Variants in SBF2 observed in about 807,000 individuals in gnomAD.
SBF2 encodes the protein myotubularin-related protein 13.
Under a neutral mutation model 225.2 loss-of-function variants are expected in SBF2, and 112 were observed. The ratio of observed to expected loss-of-function variants is 0.50; its 90% CI spans 0.43 to 0.58. The LOEUF (loss-of-function observed/expected upper bound fraction) is 0.58. SBF2 is among the 20% of genes least tolerant of loss of function. SBF2 has a pLI of 0.00. For synonymous variants in SBF2, 763 were observed against 773.3 expected, an observed-to-expected ratio of 0.99 and a Z score of 0.22; for missense variants, 1,996 against 2,206.2, an observed-to-expected ratio of 0.90 and a Z score of 1.91.
At chr11:10,134,327 T>C (rs189073599) in intron 2 of SBF2, among the ~76,000 whole-genome samples, 1 of 152,208 alleles carries the variant, frequency 6.6e-6, no homozygotes, top group Admixed American at 6.5e-5. Context: ...CAAGATAAAA[T>C]TAGGGTGGGG....
chr11:9,904,854 C>T (rs1408274569), intron 16 of SBF2, among the ~76,000 whole-genome samples: 1 of 152,140 alleles, frequency 6.6e-6, no homozygotes, highest in Non-Finnish European at 1.5e-5. Context: ...AAGAGCTCAT[C>T]TCTACAAATT....
At chr11:9,974,080 T>G (rs910503275) in intron 13 of SBF2, among the ~76,000 whole-genome samples, 1 of 152,216 alleles carries the variant, frequency 6.6e-6, no homozygotes, top group Non-Finnish European at 1.5e-5. Flanking sequence ...TAGAGTTGCC[T>G]GGTAGTGTAC....
intron 33 of SBF2, chr11:9,791,200 T>C (rs931966408): frequency 1.3e-5 from 2 of 152,456 alleles, no homozygotes; most frequent in African/African-American, 4.8e-5. Flanking sequence ...GTGTAGTCTG[T>C]GTCCTTGGGT....
chr11:10,074,881 A>G (rs962075800), intron 2 of SBF2, among the ~76,000 whole-genome samples: 5 of 152,222 alleles, frequency 3.3e-5, no homozygotes, highest in African/African-American at 1.2e-4. Flanking sequence ...GTTAATAAGA[A>G]TAGATTCATT....
intron 31 of SBF2, 99 bp downstream of exon 31, chr11:9,808,802 A>G: frequency 1.1e-6 from 1 of 897,614 alleles, no homozygotes. Flanking sequence ...CTGTCCATAA[A>G]CACATTAGTC....
intron 1 of SBF2, among the ~76,000 whole-genome samples, chr11:10,277,626 G>C (rs1269960084): frequency 2.6e-5 from 4 of 152,174 alleles, no homozygotes; most frequent in African/African-American, 9.7e-5. Flanking sequence ...TGCAGATATA[G>C]TTAAGGATCT....
intron 2 of SBF2, among the ~76,000 whole-genome samples, chr11:10,102,578 C>A (rs73412828): frequency 6.6e-6 from 1 of 152,078 alleles, no homozygotes; most frequent in African/African-American, 2.4e-5. Context: ...ATTGTCTCAA[C>A]CTAAAAGAGT....
chr11:10,204,869 C>T (rs747415850), intron 1 of SBF2, among the ~76,000 whole-genome samples: 12 of 151,826 alleles, frequency 7.9e-5, no homozygotes, highest in East Asian at 1.9e-4. Context: ...TGATTGCTAA[C>T]GGATATAGGG....
upstream of SBF2, among the ~76,000 whole-genome samples, chr11:10,294,484 C>T (rs1229350328): frequency 6.6e-6 from 1 of 152,224 alleles, no homozygotes; most frequent in African/African-American, 2.4e-5. Context: ...CTTCCGCCTT[C>T]TCTATTCTGT....
chr11:9,851,294 T>G (rs1856933146), intron 21 of SBF2, among the ~76,000 whole-genome samples: 1 of 152,262 alleles, frequency 6.6e-6, no homozygotes, highest in African/African-American at 2.4e-5. Flanking sequence ...GTATCACAGT[T>G]AAGGGTGGAG....
chr11:10,271,222 A>G (rs1962471056), intron 1 of SBF2, among the ~76,000 whole-genome samples: 2 of 42,622 alleles, frequency 4.7e-5, no homozygotes, highest in Admixed American at 4.9e-4. Context: ...TTTGAAGTTA[A>G]GAATTCTTTT....
chr11:9,795,449 C>A (rs1379024310), intron 33 of SBF2, among the ~76,000 whole-genome samples: 1 of 152,152 alleles, frequency 6.6e-6, no homozygotes, highest in Admixed American at 6.5e-5. Context: ...TGGGATTTTA[C>A]CCTGGTCTGT....
intron 16 of SBF2, among the ~76,000 whole-genome samples, chr11:9,909,778 G>T (rs1248222789): frequency 6.6e-6 from 1 of 151,828 alleles, no homozygotes; most frequent in Admixed American, 6.6e-5. Flanking sequence ...ATTTTCAGAA[G>T]TTAACCTACT....
chr11:10,165,430 T>C (rs909966753), intron 2 of SBF2, among the ~76,000 whole-genome samples: 7 of 152,302 alleles, frequency 4.6e-5, no homozygotes, highest in African/African-American at 1.2e-4. Context: ...GCCAGAATAA[T>C]AGCAAGAGCT....
upstream of SBF2, among the ~76,000 whole-genome samples, chr11:10,294,847 G>C (rs1227502136): frequency 6.6e-6 from 1 of 152,172 alleles, no homozygotes; most frequent in Non-Finnish European, 1.5e-5. Context: ...TCCCGAACTG[G>C]GCTGGCCTCT....
chr11:10,051,441 A>T (rs904061282), intron 2 of SBF2, among the ~76,000 whole-genome samples: 4 of 152,132 alleles, frequency 2.6e-5, no homozygotes, highest in Admixed American at 2.6e-4. Flanking sequence ...AATTCCAAGG[A>T]TCAATTTTCA....
At chr11:10,143,262 C>T (rs1954733375) in intron 2 of SBF2, among the ~76,000 whole-genome samples, 1 of 152,064 alleles carries the variant, frequency 6.6e-6, no homozygotes, top group African/African-American at 2.4e-5. Flanking sequence ...ACCTCTGCCT[C>T]CTGGGTTCAA....
At chr11:10,080,096 A>G (rs1399337247) in intron 2 of SBF2, among the ~76,000 whole-genome samples, 2 of 151,886 alleles carry the variant, frequency 1.3e-5, no homozygotes, top group African/African-American at 4.8e-5. Flanking sequence ...AAAAACACAA[A>G]AATTAGCCAG....
chr11:9,871,964 A>G (rs1042589052), intron 17 of SBF2, among the ~76,000 whole-genome samples: 2 of 152,202 alleles, frequency 1.3e-5, no homozygotes, highest in Admixed American at 6.5e-5. Flanking sequence ...CAATCCCATT[A>G]CTGGGTATAC....
Sources: allele counts gnomAD v4.1 joint callset (sites outside exome capture counted in the v4.1 genomes callset), GRCh38; gene constraint gnomAD v4.1.1; transcripts MANE v1.5; gene names NCBI Gene and HGNC (gene_info 2026-07-23, HGNC 2026-07-21).